Variants in MAPK10 observed in about 807,000 individuals in gnomAD.
MAPK10 encodes the protein JNK3 alpha protein kinase.
Under a neutral mutation model 59.3 loss-of-function variants are expected in MAPK10, and 25 were observed. That is an observed-to-expected ratio of 0.42 (90% CI 0.31 to 0.59). MAPK10 has a LOEUF of 0.59. Ranked by LOEUF, MAPK10 falls within the 20% of genes least tolerant of loss-of-function variation. MAPK10 has a pLI of 0.15. For synonymous variants in MAPK10, 190 were observed against 200.5 expected, an observed-to-expected ratio of 0.95 and a Z score of 0.44; for missense variants, 351 against 568.9, an observed-to-expected ratio of 0.62 and a Z score of 3.90.
intron 1 of MAPK10, among the ~76,000 whole-genome samples, chr4:86,372,953 C>T (rs1739138631): frequency 6.6e-6 from 1 of 152,172 alleles, no homozygotes; most frequent in African/African-American, 2.4e-5. Context: ...ATAGCCAAGA[C>T]AATCCTAAGC....
chr4:86,547,009 G>A (rs141234118), intron 1 of MAPK10, among the ~76,000 whole-genome samples: 10 of 152,256 alleles, frequency 6.6e-5, no homozygotes, highest in South Asian at 2.1e-4. Flanking sequence ...CCGAGATTGC[G>A]CCACTGCACT....
chr4:86,122,853 A>G (rs1221399725), intron 4 of MAPK10, among the ~76,000 whole-genome samples: 2 of 152,086 alleles, frequency 1.3e-5, no homozygotes, highest in Non-Finnish European at 2.9e-5. Flanking sequence ...CATCATCCCC[A>G]TAACTTTGTA....
At chr4:86,381,754 TG>T (rs751570805) in intron 1 of MAPK10, among the ~76,000 whole-genome samples, 2 of 152,060 alleles carry the variant, frequency 1.3e-5, no homozygotes, top group Non-Finnish European at 2.9e-5. Flanking sequence ...AAGGATAATT[TG>T]AGGTGCATTT....
chr4:86,502,852 C>T (rs1017010101), intron 1 of MAPK10, among the ~76,000 whole-genome samples: 1 of 152,058 alleles, frequency 6.6e-6, no homozygotes, highest in South Asian at 2.1e-4. Flanking sequence ...AAATTTACCA[C>T]CAACACCTCA....
intron 2 of MAPK10, among the ~76,000 whole-genome samples, chr4:86,319,274 G>A (rs767744366): frequency 5.3e-5 from 8 of 152,198 alleles, no homozygotes; most frequent in Non-Finnish European, 7.4e-5. Context: ...AAGCCGTGCC[G>A]GGGCCAGAAG....
chr4:86,464,749 G>A lies in MAPK10; in HGVS notation c.-262-110105C>T, dbSNP rs1386809188. 2.0e-5 allele frequency among the ~76,000 whole-genome samples: 3 copies of A among 151,192 alleles called. No individual in the cohort carries two copies. In the East Asian group the frequency reaches 5.9e-4, roughly 30 times the overall value. On this transcript the variant is annotated intron_variant, in intron 1 of 4. Transcript: ENST00000502302. Reference sequence around the variant, plus strand: ...GCAGGAGAGTGGCGTGAACCCAGGAGGTGGCGCTTGCAGTGAGCCGAGATC... The same window carrying A: ...GCAGGAGAGTGGCGTGAACCCAGGAAGTGGCGCTTGCAGTGAGCCGAGATC...
intron 1 of MAPK10, among the ~76,000 whole-genome samples, chr4:86,549,198 TTAAAAA>T (rs2149099099): frequency 6.6e-6 from 1 of 152,316 alleles, no homozygotes; most frequent in East Asian, 1.9e-4. Flanking sequence ...GTTTCAATTA[TTAAAAA>T]TAAAGTATTC....
intron 2 of MAPK10, among the ~76,000 whole-genome samples, chr4:86,307,867 A>G (rs1480583530): frequency 2.0e-5 from 3 of 152,146 alleles, no homozygotes; most frequent in African/African-American, 4.8e-5. Flanking sequence ...CATCAGATGG[A>G]TTTAGAGAAA....
intron 1 of MAPK10, among the ~76,000 whole-genome samples, chr4:86,375,236 T>C (rs1578970821): frequency 6.6e-6 from 1 of 152,218 alleles, no homozygotes; most frequent in South Asian, 2.1e-4. Context: ...TTGTGAGAAA[T>C]GTCTAGAAAC....
chr4:86,433,356 G>A (rs1056660880), intron 1 of MAPK10, among the ~76,000 whole-genome samples: 1 of 152,006 alleles, frequency 6.6e-6, no homozygotes, highest in African/African-American at 2.4e-5. Context: ...GAGCCAACCT[G>A]CAGCTAATAC....
chr4:86,507,202 T>C (rs1161362100), intron 1 of MAPK10, among the ~76,000 whole-genome samples: 4 of 151,820 alleles, frequency 2.6e-5, no homozygotes, highest in African/African-American at 9.7e-5. Flanking sequence ...ATGTAAAGAA[T>C]AAGAGGCAAG....
chr4:86,262,418 A>G (rs1391141726), intron 2 of MAPK10, among the ~76,000 whole-genome samples: 1 of 152,202 alleles, frequency 6.6e-6, no homozygotes, highest in Admixed American at 6.5e-5. Flanking sequence ...CGCATAAAGC[A>G]GACTAAGAAC....
chr4:86,531,423 T>A (rs1364643593), intron 1 of MAPK10, among the ~76,000 whole-genome samples: 2 of 152,152 alleles, frequency 1.3e-5, no homozygotes, highest in Admixed American at 1.3e-4. Flanking sequence ...TGTTATGGGT[T>A]ATTTTGCTAT....
At chr4:86,423,793 A>ATATATATATATATATG (rs1564842450) in intron 1 of MAPK10, among the ~76,000 whole-genome samples, 7 of 146,326 alleles carry the variant, frequency 4.8e-5, no homozygotes, top group African/African-American at 1.5e-4. Context: ...ATATATATAT[A>ATATATATATATATATG]TATGTTTAGG....
At chr4:86,131,290 T>A (rs1351998460) in intron 4 of MAPK10, among the ~76,000 whole-genome samples, 1 of 152,180 alleles carries the variant, frequency 6.6e-6, no homozygotes, top group Non-Finnish European at 1.5e-5. Context: ...GTTTTTATTA[T>A]CTAGCTAACA....
chr4:86,227,013 T>C (rs1369284840), intron 2 of MAPK10, among the ~76,000 whole-genome samples: 1 of 152,226 alleles, frequency 6.6e-6, no homozygotes, highest in African/African-American at 2.4e-5. Flanking sequence ...TGAAAAAATA[T>C]GGTTTTATGT....
chr4:86,547,914 T>C (rs998085562), intron 1 of MAPK10, among the ~76,000 whole-genome samples: 3 of 152,134 alleles, frequency 2.0e-5, no homozygotes, highest in African/African-American at 7.2e-5. Flanking sequence ...GCTCAGGGAT[T>C]GTAAACGCAC....
chr4:86,555,948 T>C (rs547449231), intron 1 of MAPK10, among the ~76,000 whole-genome samples: 2 of 152,178 alleles, frequency 1.3e-5, no homozygotes, highest in Non-Finnish European at 2.9e-5. Context: ...ATTAATAAAG[T>C]GGTTTAATTT....
intron 2 of MAPK10, among the ~76,000 whole-genome samples, chr4:86,321,279 T>C (rs1350775779): frequency 6.6e-6 from 1 of 151,920 alleles, no homozygotes; most frequent in East Asian, 1.9e-4. Context: ...TAAAGACACA[T>C]GCACACATAT....
Sources: gnomAD v4.1 joint callset for allele counts (sites outside exome capture counted in the v4.1 genomes callset) on GRCh38, gnomAD v4.1.1 for gene constraint, MANE v1.5 for transcripts, NCBI Gene and HGNC (gene_info 2026-07-23, HGNC 2026-07-21) for gene names.